Variants in CRYBG1 observed in about 807,000 individuals in gnomAD.
CRYBG1 encodes beta/gamma crystallin domain-containing protein 1.
CRYBG1 carries 139 observed loss-of-function variants against 189.2 expected under a neutral mutation model. The ratio of observed to expected loss-of-function variants is 0.73; its 90% confidence interval spans 0.64 to 0.85. The LOEUF (loss-of-function observed/expected upper bound fraction) is 0.85, where lower values mean the gene tolerates loss of function less well. Ranked by LOEUF, CRYBG1 falls within the 40% of genes least tolerant of loss-of-function variation. CRYBG1 has a pLI of 0.00. For synonymous variants in CRYBG1, 1,023 were observed against 1,017.1 expected (o/e 1.01, Z -0.11); for missense variants, 2,611 against 2,675.8 (o/e 0.98, Z 0.53).
At position 106,519,208 on chromosome 6, in the gene CRYBG1, C is replaced by T. The variant is rs1284466016; in HGVS notation, c.2000C>T (p.Pro667Leu). Residue 667 changes from proline (P) to leucine (L), a missense_variant, in exon 4 of 22, where the codon CCA (proline) becomes CTA (leucine). Coordinates refer to ENST00000633556, the MANE Select transcript of CRYBG1 (RefSeq NM_001371242.2). Reference protein sequence around the residue: ...NLDSLGNEHNPFSQPVHKGNT... With the variant: ...NLDSLGNEHNLFSQPVHKGNT... ...GACAGTTTGGGAAATGAGCACAATC[C>T]ATTTAGCCAGCCAGTTCACAAAGGC... The T allele has an allele frequency of 1.2e-6, 2 of 1,613,960 alleles. No homozygotes were observed. The highest frequency in any genetic ancestry group is 1.3e-5 in the African/African-American group (1 of 74,892).
Position 106,539,848 on chromosome 6 carries a change from A to G in CRYBG1, c.4845+319A>G, listed in dbSNP as rs151176700. Among the ~76,000 whole-genome samples the G allele has an allele frequency of 2.3e-4, 35 of 152,350 alleles. No homozygotes were observed. In the East Asian group the frequency reaches 6.6e-3, roughly 29 times the overall value. On this transcript the variant is annotated intron_variant, in intron 9 of 21. Transcript: ENST00000633556. ...AAAGTGAAGAATTAAACATTGGTGG[A>G]AAAACAGGACAAAGATACATACAAT... is the stretch of plus-strand genomic sequence containing the variant.
intron 1 of CRYBG1, among the ~76,000 whole-genome samples, chr6:106,440,268 C>CTCTCTT (rs1554235829): frequency 1.5e-5 from 1 of 65,030 alleles, no homozygotes; most frequent in Non-Finnish European, 3.4e-5. Context: ...CTCTCTCTCT[C>CTCTCTT]TTTTTTTTTC....
chr6:106,505,539 G>C (rs1247710312), intron 2 of CRYBG1, among the ~76,000 whole-genome samples: 1 of 152,032 alleles, frequency 6.6e-6, no homozygotes, highest in African/African-American at 2.4e-5. Context: ...TTGTTTTTCT[G>C]TGTGTGTTTC....
intron 1 of CRYBG1, among the ~76,000 whole-genome samples, chr6:106,444,129 T>C (rs1048495084): frequency 4.6e-5 from 7 of 152,230 alleles, no homozygotes; most frequent in African/African-American, 1.7e-4. Flanking sequence ...TTCATGAGCT[T>C]AGTAAGATCA....
At chr6:106,420,041 A>G (rs1371519450) in intron 1 of CRYBG1, among the ~76,000 whole-genome samples, 1 of 152,204 alleles carries the variant, frequency 6.6e-6, no homozygotes, top group Non-Finnish European at 1.5e-5. Flanking sequence ...CATGAGTCCC[A>G]CAGAAGTCCT....
At chr6:106,486,523 G>C (rs1328659833) in intron 2 of CRYBG1, among the ~76,000 whole-genome samples, 1 of 152,144 alleles carries the variant, frequency 6.6e-6, no homozygotes, top group Non-Finnish European at 1.5e-5. Context: ...GTTGTTGAAA[G>C]TGTAGTGTTG....
intron 2 of CRYBG1, among the ~76,000 whole-genome samples, chr6:106,488,750 T>G (rs9398091): frequency 0.43 from 65,267 of 151,962 alleles, 15,430 homozygotes; most frequent in East Asian, 0.69. Context: ...TCATGAATTT[T>G]GGCGTGGGTG....
At chr6:106,533,569 G>A (rs953702489) in intron 8 of CRYBG1, among the ~76,000 whole-genome samples, 1 of 152,182 alleles carries the variant, frequency 6.6e-6, no homozygotes, top group Admixed American at 6.5e-5. Flanking sequence ...AGAAGAGATG[G>A]TGGCTTAGAC....
intron 2 of CRYBG1, among the ~76,000 whole-genome samples, chr6:106,469,936 CTCATTTATGCTATGGGGCTG>C (rs1285435960): frequency 2.0e-5 from 3 of 152,268 alleles, no homozygotes; most frequent in African/African-American, 7.2e-5. Flanking sequence ...AGTAGGAGAT[CTCATTTATGCTATGGGGCTG>C]TCACTTGTGC....
At chr6:106,435,949 T>A (rs569966315) in intron 1 of CRYBG1, among the ~76,000 whole-genome samples, 1 of 152,274 alleles carries the variant, frequency 6.6e-6, no homozygotes, top group Admixed American at 6.5e-5. Flanking sequence ...AGATTGGGAA[T>A]TATTGACCTA....
At chr6:106,497,361 A>C (rs985821521) in intron 2 of CRYBG1, among the ~76,000 whole-genome samples, 1 of 152,184 alleles carries the variant, frequency 6.6e-6, no homozygotes, top group African/African-American at 2.4e-5. Flanking sequence ...AACTGCTTCC[A>C]AGTTCAGCAG....
chr6:106,447,449 G>A (rs1771684087), intron 1 of CRYBG1, among the ~76,000 whole-genome samples: 1 of 151,768 alleles, frequency 6.6e-6, no homozygotes, highest in African/African-American at 2.4e-5. Context: ...TAATTGGATT[G>A]TTTGTAACAC....
rs1773483948 is a variant in CRYBG1 at position 106,518,133 on chromosome 6, T to A, written c.1923-998T>A. ...CTTGAAAAAGCAAGATATCAAATTATATGAACAGAATAATCTCAATTCTAT... is the reference window on the plus strand; with the variant it reads ...CTTGAAAAAGCAAGATATCAAATTAAATGAACAGAATAATCTCAATTCTAT... On this transcript the variant is annotated intron_variant, in intron 3 of 21. Transcript: ENST00000633556. 1.3e-5 allele frequency among the ~76,000 whole-genome samples: 2 copies of A among 152,094 alleles called. 1 individual carries two copies. The highest frequency in any genetic ancestry group is 2.9e-5 in the Non-Finnish European group (2 of 68,010).
intron 1 of CRYBG1, among the ~76,000 whole-genome samples, chr6:106,429,508 TA>T (rs1189801463): frequency 1.5e-4 from 23 of 152,378 alleles, no homozygotes; most frequent in Non-Finnish European, 2.5e-4. Flanking sequence ...TTAAGTCACT[TA>T]CTCTAGGCCA....
intron 1 of CRYBG1, among the ~76,000 whole-genome samples, chr6:106,400,903 G>C (rs958797361): frequency 2.3e-4 from 35 of 152,274 alleles, no homozygotes; most frequent in African/African-American, 8.2e-4. Flanking sequence ...AAGAGGAAGA[G>C]CATTTCAAGC....
At chr6:106,417,755 T>A (rs9384610) in intron 1 of CRYBG1, among the ~76,000 whole-genome samples, 79,507 of 152,188 alleles carry the variant, frequency 0.52, 21,053 homozygotes, top group South Asian at 0.72. Context: ...CCACTCCAGG[T>A]GCCAACACAG....
rs11447737 is a variant in CRYBG1 at position 106,500,434 on chromosome 6, A to AAC, written c.313-10995_313-10994insCA. On this transcript the variant is annotated intron_variant, in intron 2 of 21. Transcript: ENST00000633556. ...GATGTTGAGCACTAAAAAAAAAAAC[A>AAC]AAAAAAAAAACCTCTTGGCTATTTG... Among the ~76,000 whole-genome samples the AAC allele has an allele frequency of 4.1e-4, 13 of 31,384 alleles. No individual in the cohort carries two copies. In the African/African-American group the frequency reaches 0.014, roughly 35 times the overall value. The allele number at this position is 31,384 out of a possible 152,430, so 20.6% of individuals were successfully genotyped here. A position where few individuals can be genotyped will look rare whatever the true frequency, so the allele number is the denominator to read the frequency against.
At chr6:106,521,510 G>A (rs1309565647) in intron 4 of CRYBG1, 57 bp downstream of exon 4, 1 of 1,475,352 alleles carries the variant, frequency 6.8e-7, no homozygotes, top group African/African-American at 1.4e-5. Flanking sequence ...GGGAAGAGAA[G>A]GATGATGAGC....
intron 2 of CRYBG1, among the ~76,000 whole-genome samples, chr6:106,486,370 A>T (rs9400017): frequency 0.43 from 65,295 of 151,968 alleles, 15,451 homozygotes; most frequent in East Asian, 0.69. Flanking sequence ...TTACATGTGA[A>T]GATCTATCCT....
Sources: allele counts gnomAD v4.1 joint callset (sites outside exome capture counted in the v4.1 genomes callset), GRCh38; gene constraint gnomAD v4.1.1; transcripts MANE v1.5; gene names NCBI Gene and HGNC (gene_info 2026-07-23, HGNC 2026-07-21).